Variants in ZNF320 observed in about 807,000 individuals in gnomAD.
ZNF320 encodes zinc finger gene 320.
Under a neutral mutation model 6.8 loss-of-function variants are expected in ZNF320, and 2 were observed. The ratio of observed to expected loss-of-function variants is 0.29; its 90% CI spans 0.12 to 0.93. The LOEUF (loss-of-function observed/expected upper bound fraction) is 0.93. ZNF320 is among the 40% of genes least tolerant of loss of function. ZNF320 has a pLI of 0.55. For synonymous variants in ZNF320, 208 were observed against 203.2 expected (o/e 1.02, Z -0.20); for missense variants, 472 against 611.0 (o/e 0.77, Z 2.40).
chr19:52,901,273 G>A (rs1259948619), upstream of ZNF320, among the ~76,000 whole-genome samples: 1 of 152,176 alleles, frequency 6.6e-6, no homozygotes, highest in Non-Finnish European at 1.5e-5. Flanking sequence ...TCTAACTTCA[G>A]TGACTTGATG....
chr19:52,865,551 ATATT>A (rs2063537165), intron 5 of ZNF320: 2 of 121,468 alleles, frequency 1.6e-5, no homozygotes, highest in Admixed American at 8.9e-5. Flanking sequence ...TTATACATAT[ATATT>A]TATATGATCA....
At chr19:52,904,018 G>A in the ZNF320 span, among the ~76,000 whole-genome samples, 4 of 151,732 alleles carry the variant, frequency 2.6e-5, no homozygotes, top group Non-Finnish European at 4.4e-5. Context: ...GTCAAAACCA[G>A]GACAAAAGTG....
chr19:52,877,524 G>T lies in ZNF320; in HGVS notation c.*3072C>A, dbSNP rs1472762082. 1 of 152,196 alleles carries T rather than the reference G, an allele frequency of 6.6e-6. No individual in the cohort carries two copies. The highest frequency in any genetic ancestry group is 2.4e-5 in the African/African-American group (1 of 41,444). The allele number at this position is 152,196 out of a possible 1,614,324, so 9.4% of individuals were successfully genotyped here. A position where few individuals can be genotyped will look rare whatever the true frequency, so the allele number is the denominator to read the frequency against. Reference sequence around the variant, plus strand: ...TTGACTCAGGTGTGCAGAGGGATGGGCTCTTTCCCACATCTGTGAAGATAA... The same window carrying T: ...TTGACTCAGGTGTGCAGAGGGATGGTCTCTTTCCCACATCTGTGAAGATAA... On this transcript the variant is annotated 3_prime_UTR_variant, in exon 6 of 6. Transcript: ENST00000682928.
intron 2 of ZNF320, among the ~76,000 whole-genome samples, chr19:52,892,615 A>G (rs1207387491): frequency 6.6e-6 from 1 of 151,966 alleles, no homozygotes; most frequent in Non-Finnish European, 1.5e-5. Flanking sequence ...GCCAGGCTCC[A>G]TCTCCACAAC....
intron 4 of ZNF320, among the ~76,000 whole-genome samples, chr19:52,888,746 AG>A (rs751797813): frequency 3.5e-4 from 54 of 152,354 alleles, no homozygotes; most frequent in Non-Finnish European, 5.6e-4. Context: ...GTTAATACAA[AG>A]GGTTGTCATT....
chr19:52,896,275 G>A lies in ZNF320; in HGVS notation c.-270+1245C>T, dbSNP rs182067670. On this transcript the variant is annotated intron_variant, in intron 1 of 5. Coordinates refer to ENST00000682928, the MANE Select transcript of ZNF320 (RefSeq NM_001351774.2). ...CCTGGCTAATTTCTGTATTTTATTC[G>A]ACACGAGATTTCGCCATGTTGACTA... 5.3e-3 allele frequency among the ~76,000 whole-genome samples: 814 copies of A among 152,154 alleles called. 3 individuals are homozygous for A. The highest frequency in any genetic ancestry group is 9.4e-3 in the Non-Finnish European group (640 of 68,002).
rs1002226635 is a variant in ZNF320 at position 52,879,537 on chromosome 19, C to A, written c.*1059G>T. On this transcript the variant is annotated 3_prime_UTR_variant, in exon 6 of 6. Transcript: ENST00000682928. The stretch of plus-strand genomic sequence containing the variant: ...GGAATGCTTTTCCTGTAGGATCTCA[C>A]ATGATGCAAGAATGCTCTCACCCCT... 1 of 154,054 alleles carries A rather than the reference C, an allele frequency of 6.5e-6. No individual in the cohort carries two copies. Among genetic ancestry groups the A allele is most frequent in the African/African-American group, 2.4e-5 (1 of 41,458 alleles). 9.5% of individuals were successfully genotyped at this position (154,054 alleles called of 1,614,324 possible).
intron 5 of ZNF320, among the ~76,000 whole-genome samples, chr19:52,865,600 T>C (rs1226193126): frequency 1.6e-5 from 2 of 125,442 alleles, no homozygotes; most frequent in African/African-American, 6.6e-5. Flanking sequence ...CATATATTTA[T>C]ATATGAGATT....
chr19:52,874,081 G>GA (rs748202850), downstream of ZNF320: 6 of 358,848 alleles, frequency 1.7e-5, no homozygotes, highest in Non-Finnish European at 2.2e-5. Context: ...TCCTGTATGT[G>GA]AAAAAAATCA....
chr19:52,887,864 G>A (rs894426031), intron 5 of ZNF320, among the ~76,000 whole-genome samples: 3 of 152,170 alleles, frequency 2.0e-5, no homozygotes, highest in African/African-American at 4.8e-5. Flanking sequence ...TGGGATGACA[G>A]GCATGAACCA....
chr19:52,885,075 G>A (rs576317252), intron 5 of ZNF320, among the ~76,000 whole-genome samples: 95 of 152,148 alleles, frequency 6.2e-4, no homozygotes, highest in African/African-American at 2.2e-3. Flanking sequence ...GTTGGCACTC[G>A]CCTGTAGTCC....
chr19:52,864,739 T>C (rs1057155742), intron 5 of ZNF320, among the ~76,000 whole-genome samples: 1 of 152,120 alleles, frequency 6.6e-6, no homozygotes, highest in African/African-American at 2.4e-5. Flanking sequence ...ATTGGCCAGG[T>C]GCGGTGGCTC....
chr19:52,877,657 G>GT lies in ZNF320; in HGVS notation c.*2938dup, dbSNP rs1469486775. ...ATATGTAGCTTTTTAAAAAATCTTTGTAACTATCTTGTTTAGGAATAAAAT... is the reference window on the plus strand; with the variant it reads ...ATATGTAGCTTTTTAAAAAATCTTTGTTAACTATCTTGTTTAGGAATAAAAT... On this transcript the variant is annotated 3_prime_UTR_variant, in exon 6 of 6. Coordinates refer to ENST00000682928, the MANE Select transcript of ZNF320 (RefSeq NM_001351774.2). The GT allele has an allele frequency of 1.3e-5, 2 of 152,292 alleles. No homozygotes were observed. Among genetic ancestry groups the GT allele is most frequent in the East Asian group, 3.9e-4 (2 of 5,180 alleles). The allele number at this position is 152,292 out of a possible 1,614,324, so 9.4% of individuals were successfully genotyped here. A position where few individuals can be genotyped will look rare whatever the true frequency, so the allele number is the denominator to read the frequency against.
downstream of ZNF320, among the ~76,000 whole-genome samples, chr19:52,872,790 C>T (rs573899420): frequency 1.5e-4 from 23 of 152,284 alleles, no homozygotes; most frequent in African/African-American, 2.4e-4. Flanking sequence ...CGTGAGCCAC[C>T]GCGCCCAGCC....
At chr19:52,892,746 T>C (rs11084204) in intron 2 of ZNF320, among the ~76,000 whole-genome samples, 97,712 of 150,594 alleles carry the variant, frequency 0.65, 32,678 homozygotes, top group African/African-American at 0.81. Context: ...TGTCTCTTCC[T>C]TGTTATACCT....
intron 5 of ZNF320, among the ~76,000 whole-genome samples, chr19:52,886,349 G>T (rs973159415): frequency 1.3e-5 from 2 of 152,140 alleles, no homozygotes; most frequent in Non-Finnish European, 2.9e-5. Flanking sequence ...TACCCAGGCT[G>T]GTTCTGAACT....
chr19:52,899,341 C>T (rs1028727178), upstream of ZNF320, among the ~76,000 whole-genome samples: 1 of 152,192 alleles, frequency 6.6e-6, no homozygotes, highest in East Asian at 1.9e-4. Flanking sequence ...TTAACTATGT[C>T]TTCAACTACT....
intron 5 of ZNF320, among the ~76,000 whole-genome samples, chr19:52,887,891 A>G (rs886902386): frequency 5.9e-5 from 9 of 152,230 alleles, no homozygotes; most frequent in Middle Eastern, 6.8e-3. Flanking sequence ...CCAGCTTGCC[A>G]TAAGGTTTTA....
In ZNF320 at chr19:52,881,446, T is replaced by C. The variant is rs540759437; in HGVS notation, c.680A>G (p.Asp227Gly). 1 of 1,613,424 alleles carries C rather than the reference T, an allele frequency of 6.2e-7. No homozygotes were observed. The highest frequency in any genetic ancestry group is 1.7e-5 in the Admixed American group (1 of 59,966). ...ATGACATGCAAGGGTTGCTTTTTGA[T>C]CAAAAACCTTGCCACATTCATTACA... ...YTCNECGKVF[D>G]QKATLACHHR... Residue 227 changes from aspartate to glycine, a missense_variant, in exon 6 of 6, where the codon GAT (aspartate) becomes GGT (glycine). Asp to Gly is a moderately conservative substitution (Grantham distance 94). Transcript: ENST00000682928.
Sources: allele counts gnomAD v4.1 joint callset (sites outside exome capture counted in the v4.1 genomes callset), GRCh38; gene constraint gnomAD v4.1.1; transcripts MANE v1.5; gene names NCBI Gene and HGNC (gene_info 2026-07-23, HGNC 2026-07-21).